The following LAMA5 variants were observed in gnomAD, a reference collection of about 807,000 sequenced individuals.
LAMA5 encodes the protein laminin subunit alpha-5.
LAMA5 carries 260 observed loss-of-function variants against 433.4 expected under a neutral mutation model. The ratio of observed to expected loss-of-function variants is 0.60; its 90% CI spans 0.54 to 0.66. LAMA5 has a LOEUF of 0.66. LAMA5 is among the 30% of genes least tolerant of loss of function. The pLI is 0.00. For synonymous variants in LAMA5, 2,620 were observed against 2,226.6 expected (o/e 1.18, Z -4.97); for missense variants, 5,378 against 5,258.5 (o/e 1.02, Z -0.70).
chr20:62,322,393 C>T lies in LAMA5; in HGVS notation c.6222G>A (p.Pro2074=), dbSNP rs759988560. Reference sequence around the variant, plus strand: ...GGTGGCACTCGGAGCCCTCGGCGGCCGGTCCACAAGCACACGGGCGGCAGC... The same window carrying T: ...GGTGGCACTCGGAGCCCTCGGCGGCTGGTCCACAAGCACACGGGCGGCAGC... ...CGGCRPCACG[P]AAEGSECHPQ... The change falls in exon 47 of 80, where the codon CCG becomes CCA. Residue 2074 remains proline, a synonymous_variant. Coordinates refer to ENST00000252999, the MANE Select transcript of LAMA5 (RefSeq NM_005560.6). 56 of 1,593,336 alleles carry T rather than the reference C, an allele frequency of 3.5e-5. 2 individuals carry two copies. In the East Asian group the frequency reaches 5.5e-4, roughly 16 times the overall value.
In LAMA5 at chr20:62,328,417, G is replaced by C; in HGVS notation, c.4476C>G (p.Asp1492Glu). The C allele has an allele frequency of 6.6e-7, 1 of 1,522,956 alleles. No individual in the cohort carries two copies. Among genetic ancestry groups the C allele is most frequent in the Non-Finnish European group, 8.9e-7 (1 of 1,129,816 alleles). 94.3% of individuals were successfully genotyped at this position (1,522,956 alleles called of 1,614,324 possible). A position where few individuals can be genotyped will look rare whatever the true frequency, so the allele number is the denominator to read the frequency against. The stretch of plus-strand genomic sequence containing the variant: ...GGCAGATGCACTGGCCCGTGAGCTC[G>C]TCACAGAGGCGGGCACCGCAGTCAC... ...RPCDCGARLC[D>E]ELTGQCICPP... Residue 1492 changes from aspartate to glutamate, a missense_variant, in exon 35 of 80, where the codon GAC (aspartate) becomes GAG (glutamate). By Grantham distance (45) the Asp-to-Glu change is conservative (BLOSUM62 2). Coordinates refer to ENST00000252999, the MANE Select transcript of LAMA5 (RefSeq NM_005560.6).
chr20:62,328,172 C>G, intron 35 of LAMA5, 69 bp downstream of exon 35: 1 of 1,518,860 alleles, frequency 6.6e-7, no homozygotes, highest in Non-Finnish European at 8.9e-7. Context: ...GTGCCAGGAC[C>G]CTCTGGCTAG....
Position 62,330,746 on chromosome 20 carries a change from G to C in LAMA5, c.3849C>G (p.Pro1283=). 6.4e-7 allele frequency: 1 copy of C among 1,559,768 alleles called. No individual in the cohort carries two copies. The highest frequency in any genetic ancestry group is 8.7e-7 in the Non-Finnish European group (1 of 1,152,606). Residue 1283 remains proline (P), a synonymous_variant, in exon 30 of 80, where the codon CCC becomes CCG. Transcript: ENST00000252999. ...PDAEPTLLRE[P]QATVVFTTHV... ...CTCTAGAGACTATGGCCCTCACCTGGGGCTCACGCAGCAGGGTGGGCTCTG... is the reference window on the plus strand; with the variant it reads ...CTCTAGAGACTATGGCCCTCACCTGCGGCTCACGCAGCAGGGTGGGCTCTG...
chr20:62,363,594 C>T (rs1403351943), intron 1 of LAMA5, among the ~76,000 whole-genome samples: 2 of 152,102 alleles, frequency 1.3e-5, no homozygotes, highest in African/African-American at 2.4e-5. Flanking sequence ...TCCCCCGCCC[C>T]CCCAGGAAAC....
chr20:62,354,649 G>A (rs920069959), intron 2 of LAMA5, among the ~76,000 whole-genome samples: 5 of 152,130 alleles, frequency 3.3e-5, no homozygotes, highest in African/African-American at 1.2e-4. Context: ...AGGCACACAG[G>A]AGGGGGCGGT....
In LAMA5 at chr20:62,313,010, T is replaced by A; in HGVS notation, c.8956A>T (p.Ser2986Cys). 6.3e-7 allele frequency: 1 copy of A among 1,583,336 alleles called. No individual in the cohort carries two copies. Among genetic ancestry groups the A allele is most frequent in the Non-Finnish European group, 8.6e-7 (1 of 1,162,458 alleles). Residue 2986 changes from serine (S) to cysteine (C), a missense_variant and splice_region_variant, in exon 66 of 80, where the codon AGC (serine) becomes TGC (cysteine). Coordinates refer to ENST00000252999, the MANE Select transcript of LAMA5 (RefSeq NM_005560.6). ...TGCACGGCCAAGCACAGGAACTGGCTCTGCAGAAACAGGGCAGGGTTAGTG... is the reference window on the plus strand; with the variant it reads ...TGCACGGCCAAGCACAGGAACTGGCACTGCAGAAACAGGGCAGGGTTAGTG... ...SGVLFFLKQQ[S>C]QFLCLAVQEG...
intron 6 of LAMA5, among the ~76,000 whole-genome samples, chr20:62,347,338 G>A (rs1983552607): frequency 6.6e-6 from 1 of 152,138 alleles, no homozygotes. Flanking sequence ...TGACCGGGTG[G>A]GGCCTAGGAC....
At chr20:62,346,842 G>T (rs1276532435) in intron 7 of LAMA5, 42 bp from the exon 8 acceptor site, 1 of 1,605,358 alleles carries the variant, frequency 6.2e-7, no homozygotes. Flanking sequence ...CCCTCCACAG[G>T]CCCGGGCACC....
intron 2 of LAMA5, chr20:62,355,185 G>A (rs1397581017): frequency 6.6e-6 from 1 of 152,346 alleles, no homozygotes; most frequent in East Asian, 1.9e-4. Flanking sequence ...CGAGGGTCAT[G>A]CCACACCCCA....
Position 62,310,940 on chromosome 20 carries a change from G to T in LAMA5, c.10243C>A (p.Gln3415Lys). ...MEGLGTRLRA[Q>K]SRQRSRPGRW... The stretch of plus-strand genomic sequence containing the variant: ...CCAGGCCGGGAGCGCTGGCGGCTCT[G>T]GGCGCGGAGCCGAGTCCCGAGGCCT... The change falls in exon 74 of 80, where the codon CAG becomes AAG. Residue 3415 changes from glutamine to lysine, a missense_variant. Gln to Lys is a moderately conservative substitution (Grantham distance 53, BLOSUM62 1). Transcript: ENST00000252999. 1.2e-6 allele frequency: 2 copies of T among 1,611,114 alleles called. No individual in the cohort carries two copies. Among genetic ancestry groups the T allele is most frequent in the Non-Finnish European group, 8.5e-7 (1 of 1,179,510 alleles).
intron 26 of LAMA5, 151 bp from the exon 27 acceptor site, chr20:62,332,868 G>T: frequency 1.8e-6 from 2 of 1,081,208 alleles, no homozygotes; most frequent in African/African-American, 3.2e-5. Flanking sequence ...GGTGGGGGCT[G>T]AGCTGTATGT....
At chr20:62,325,009 T>G in intron 41 of LAMA5, 2 of 406,662 alleles carry the variant, frequency 4.9e-6, no homozygotes, top group Non-Finnish European at 8.9e-6. Flanking sequence ...GCCAGGATGG[T>G]CGGTGGGGGA....
intron 30 of LAMA5, 28 bp downstream of exon 30, chr20:62,330,715 C>A (rs1241191961): frequency 1.9e-6 from 3 of 1,555,624 alleles, no homozygotes; most frequent in Non-Finnish European, 2.6e-6. Flanking sequence ...CCTGACACCC[C>A]CGTCCCTCTA....
intron 48 of LAMA5, among the ~76,000 whole-genome samples, chr20:62,321,726 T>TGGAGGCGTGGGGC (rs1987822246): frequency 1.6e-5 from 1 of 63,810 alleles, no homozygotes; most frequent in African/African-American, 1.0e-4. Flanking sequence ...AGGGGTGGGG[T>TGGAGGCGTGGGGC]CAGTGGAGGG....
At position 62,309,991 on chromosome 20, in the gene LAMA5, C is replaced by T. The variant is rs77850827; in HGVS notation, c.10825G>A (p.Ala3609Thr). The T allele has an allele frequency of 2.5e-6, 4 of 1,610,386 alleles. No individual in the cohort carries two copies. Among genetic ancestry groups the T allele is most frequent in the Admixed American group, 1.7e-5 (1 of 59,968 alleles). ...CTGGCCACAGGAGGGGCCTCACCCG[C>T]TAGCCGGTGCCACTGGCCATCACAC... is the stretch of plus-strand genomic sequence containing the variant. ...VLCDGQWHRL[A>T]VMKSGNVLRL... Residue 3609 changes from alanine (A) to threonine (T), a missense_variant, in exon 78 of 80, where the codon GCG (alanine) becomes ACG (threonine). Transcript: ENST00000252999.
At chr20:62,319,649 C>T (rs921634334) in intron 51 of LAMA5, 35 bp downstream of exon 51, 6 of 1,474,330 alleles carry the variant, frequency 4.1e-6, no homozygotes, top group Non-Finnish European at 5.5e-6. Flanking sequence ...GCCCTCCTGG[C>T]TCTGAGCCCT....
intron 24 of LAMA5, 41 bp downstream of exon 24, chr20:62,333,523 C>A: frequency 1.9e-6 from 3 of 1,581,046 alleles, no homozygotes; most frequent in Non-Finnish European, 2.6e-6. Context: ...GGCCCCACCC[C>A]CTGACCCGGC....
At chr20:62,310,366 C>T in intron 76 of LAMA5, 53 bp downstream of exon 76, 2 of 1,567,918 alleles carry the variant, frequency 1.3e-6, no homozygotes, top group Non-Finnish European at 1.7e-6. Flanking sequence ...CCAGAACCTC[C>T]TGGAGCCCCC....
At chr20:62,349,113 C>CA (rs941045270) in intron 6 of LAMA5, among the ~76,000 whole-genome samples, 30 of 149,506 alleles carry the variant, frequency 2.0e-4, no homozygotes, top group Admixed American at 3.3e-4. Flanking sequence ...ACTAAAAATA[C>CA]AAAAAAAAAT....
Sources: gnomAD v4.1 joint callset for allele counts (sites outside exome capture counted in the v4.1 genomes callset) on GRCh38, gnomAD v4.1.1 for gene constraint, MANE v1.5 for transcripts, NCBI Gene and HGNC (gene_info 2026-07-23, HGNC 2026-07-21) for gene names.